SPTY2D1: variants seen among roughly 807,000 people sequenced by gnomAD.
SPTY2D1 encodes the protein protein SPT2 homolog.
In SPTY2D1, 21 loss-of-function variants were observed where a neutral mutation model predicts 64.0. The observed-to-expected ratio is 0.33, with a 90% CI of 0.23 to 0.47. The LOEUF (loss-of-function observed/expected upper bound fraction) is 0.47, where lower values mean the gene tolerates loss of function less well. SPTY2D1 is among the 20% of genes least tolerant of loss of function. SPTY2D1 has a pLI of 1.00. For missense variants in SPTY2D1, 724 were observed against 837.2 expected, an observed-to-expected ratio of 0.86 and a Z score of 1.67; for synonymous variants, 287 against 286.8, an observed-to-expected ratio of 1.00 and a Z score of -0.01.
chr11:18,628,019 G>A (rs1267075626), intron 1 of SPTY2D1, among the ~76,000 whole-genome samples: 1 of 152,174 alleles, frequency 6.6e-6, no homozygotes, highest in Non-Finnish European at 1.5e-5. Context: ...CTGGACTCCA[G>A]CCCAGGCGAC....
intron 1 of SPTY2D1, among the ~76,000 whole-genome samples, chr11:18,623,532 G>A (rs1352898060): frequency 1.3e-5 from 2 of 152,154 alleles, no homozygotes; most frequent in South Asian, 2.1e-4. Flanking sequence ...TACTGTGAAG[G>A]TATTTTGTAG....
rs1376828643 is a variant in SPTY2D1, at chr11:18,609,513, A to G, written c.*348T>C. On this transcript the variant is annotated 3_prime_UTR_variant, in exon 6 of 6. Coordinates refer to ENST00000336349, the MANE Select transcript of SPTY2D1 (RefSeq NM_194285.3). ...AGAAGAATTACAGAAATCAAGAGAC[A>G]ACCTTTTTTTTCCTTTCAAAGTAGC... 1 of 226,278 alleles carries G rather than the reference A, an allele frequency of 4.4e-6. No individual in the cohort carries two copies. Among genetic ancestry groups the G allele is most frequent in the African/African-American group, 2.3e-5 (1 of 43,516 alleles). The allele number at this position is 226,278 out of a possible 1,614,324, so 14.0% of individuals were successfully genotyped here.
Position 18,632,415 on chromosome 11 carries a change from G to C in SPTY2D1, c.60+1783C>G, listed in dbSNP as rs1039784486. On this transcript the variant is annotated intron_variant, in intron 1 of 5. Transcript: ENST00000336349. The stretch of plus-strand genomic sequence containing the variant: ...TGCCCAGGCTGGAGTGCAATCGCAC[G>C]ATCTCAGCTCACTGCAATCTCCGCC... Among the ~76,000 whole-genome samples the C allele has an allele frequency of 2.6e-5, 4 of 151,380 alleles. No homozygotes were observed. The South Asian group carries it at 8.3e-4, about 32-fold the overall frequency.
chr11:18,622,086 C>CAAAAAA lies in SPTY2D1; in HGVS notation c.61-5103_61-5098dup, dbSNP rs747593791. On this transcript the variant is annotated intron_variant, in intron 1 of 5. Transcript: ENST00000336349. ...TGAACAACAGAGTAAGACCCTATCTCAAAAAAAAAAAAAAAAAACCAAAAC... is the reference window on the plus strand; with the variant it reads ...TGAACAACAGAGTAAGACCCTATCTCAAAAAAAAAAAAAAAAAAAAAAAACCAAAAC... Among the ~76,000 whole-genome samples the CAAAAAA allele has an allele frequency of 2.8e-3, 33 of 11,832 alleles. 3 individuals carry two copies. The highest frequency in any genetic ancestry group is 0.015 in the South Asian group (2 of 134). 7.8% of individuals were successfully genotyped at this position (11,832 alleles called of 152,430 possible). A position where few individuals can be genotyped will look rare whatever the true frequency, so the allele number is the denominator to read the frequency against.
chr11:18,617,258 A>G (rs961190902), intron 1 of SPTY2D1, among the ~76,000 whole-genome samples: 4 of 152,182 alleles, frequency 2.6e-5, no homozygotes, highest in African/African-American at 4.8e-5. Flanking sequence ...TTTTCAGGCT[A>G]TTTTCCAAAA....
intron 1 of SPTY2D1, among the ~76,000 whole-genome samples, chr11:18,628,962 A>T (rs1250725036): frequency 1.3e-5 from 2 of 152,082 alleles, no homozygotes; most frequent in Non-Finnish European, 2.9e-5. Flanking sequence ...AGACATCTGA[A>T]TTTGCTGTCC....
chr11:18,625,332 A>C (rs1762655350), intron 1 of SPTY2D1, among the ~76,000 whole-genome samples: 1 of 152,212 alleles, frequency 6.6e-6, no homozygotes, highest in Non-Finnish European at 1.5e-5. Context: ...CTATGGAGTT[A>C]AATGTAAATT....
At position 18,612,755 on chromosome 11, in the gene SPTY2D1, A is replaced by C. The variant is rs563676246; in HGVS notation, c.1712-267T>G. Among the ~76,000 whole-genome samples, 19 of 151,918 alleles carry C rather than the reference A, an allele frequency of 1.3e-4. No homozygotes were observed. Among genetic ancestry groups the C allele is most frequent in the African/African-American group, 4.1e-4 (17 of 41,422 alleles). The stretch of plus-strand genomic sequence containing the variant: ...TATTTCTGAATTTATAAGATCAGTA[A>C]AATTTCTTTCTTTCTTTTTTTTTTT... On this transcript the variant is annotated intron_variant, in intron 3 of 5. Coordinates refer to ENST00000336349, the MANE Select transcript of SPTY2D1 (RefSeq NM_194285.3). The surrounding 1 kb of genome is among the most constrained non-coding windows in gnomAD (Gnocchi z 4.6).
rs117662446 is a variant in SPTY2D1, at chr11:18,631,165, T to C, written c.60+3033A>G. 6.6e-3 allele frequency among the ~76,000 whole-genome samples: 999 copies of C among 152,324 alleles called. 5 individuals carry two copies. The highest frequency in any genetic ancestry group is 0.011 in the Non-Finnish European group (737 of 68,032). Reference sequence around the variant, plus strand: ...GAAATAAAGCTGTTAATTGATACGATAGTCCCCAACTCTCTCTTTGTTTTT... The same window carrying C: ...GAAATAAAGCTGTTAATTGATACGACAGTCCCCAACTCTCTCTTTGTTTTT... On this transcript the variant is annotated intron_variant, in intron 1 of 5. Coordinates refer to ENST00000336349, the MANE Select transcript of SPTY2D1 (RefSeq NM_194285.3).
intron 1 of SPTY2D1, among the ~76,000 whole-genome samples, chr11:18,627,993 A>C (rs1157460920): frequency 6.6e-6 from 1 of 152,204 alleles, no homozygotes; most frequent in Non-Finnish European, 1.5e-5. Context: ...GGTTGCAGTG[A>C]GCTGAAGTGG....
intron 5 of SPTY2D1, 44 bp from the exon 6 acceptor site, chr11:18,609,998 T>C (rs1255954313): frequency 6.5e-7 from 1 of 1,531,904 alleles, no homozygotes; most frequent in Admixed American, 1.7e-5. Flanking sequence ...ATACATGAGA[T>C]GACCACTTTC....
chr11:18,616,951 G>C lies in SPTY2D1; in HGVS notation c.99C>G (p.Asp33Glu). The C allele has an allele frequency of 6.2e-7, 1 of 1,614,112 alleles. No homozygotes were observed. Among genetic ancestry groups the C allele is most frequent in the South Asian group, 1.1e-5 (1 of 91,084 alleles). Reference protein sequence around the residue: ...YSLAVGPPKKDPKVKGVQSAA... With the variant: ...YSLAVGPPKKEPKVKGVQSAA... Reference sequence around the variant, plus strand: ...CTGATTGGACACCTTTAACTTTTGGGTCTTTTTTTGGAGGCCCCACTGCCA... The same window carrying C: ...CTGATTGGACACCTTTAACTTTTGGCTCTTTTTTTGGAGGCCCCACTGCCA... Residue 33 changes from aspartate (D) to glutamate (E), a missense_variant, in exon 2 of 6, where the codon GAC becomes GAG. Transcript: ENST00000336349.
At chr11:18,610,060 C>T in intron 5 of SPTY2D1, 106 bp from the exon 6 acceptor site, 1 of 967,214 alleles carries the variant, frequency 1.0e-6, no homozygotes, top group Non-Finnish European at 1.6e-6. Flanking sequence ...TGTGCTGATG[C>T]TCTCAAAATG....
rs780271568 is a variant in SPTY2D1, at chr11:18,615,851, C to A, written c.423G>T (p.Gln141His). 2.5e-6 allele frequency: 4 copies of A among 1,614,056 alleles called. No homozygotes were observed. The highest frequency in any genetic ancestry group is 3.3e-4 in the Middle Eastern group (2 of 6,062). ...FLEYNHAESEQEYEEEQEPPK... is the reference protein window; with the variant it reads ...FLEYNHAESEHEYEEEQEPPK... Reference sequence around the variant, plus strand: ...GAGGTTCTTGCTCTTCCTCATACTCCTGCTCTGACTCTGCGTGATTGTACT... The same window carrying A: ...GAGGTTCTTGCTCTTCCTCATACTCATGCTCTGACTCTGCGTGATTGTACT... The change falls in exon 3 of 6, where the codon CAG becomes CAT. Residue 141 changes from glutamine (Q) to histidine (H), a missense_variant. This residue lies in a region of SPTY2D1 where 179 missense variants were observed against 232.5 expected (regional missense o/e 0.77). Transcript: ENST00000336349.
chr11:18,617,168 A>G (rs1320816012), intron 1 of SPTY2D1, among the ~76,000 whole-genome samples, 179 bp from the exon 2 acceptor site: 1 of 152,214 alleles, frequency 6.6e-6, no homozygotes, highest in East Asian at 1.9e-4. Context: ...ACTATTTATT[A>G]CGTATGGTGA....
chr11:18,628,747 C>CA (rs776629390), intron 1 of SPTY2D1, among the ~76,000 whole-genome samples: 3 of 152,166 alleles, frequency 2.0e-5, no homozygotes, highest in Non-Finnish European at 2.9e-5. Context: ...GGGTGGGGAG[C>CA]AATCCAGTTA....
chr11:18,622,257 T>C (rs1316557012), intron 1 of SPTY2D1, among the ~76,000 whole-genome samples: 1 of 151,962 alleles, frequency 6.6e-6, no homozygotes, highest in Non-Finnish European at 1.5e-5. Context: ...TGGCCAGGTA[T>C]GGTGGCTCAT....
intron 1 of SPTY2D1, among the ~76,000 whole-genome samples, chr11:18,622,086 C>CAAAAAAA (rs747593791): frequency 8.5e-5 from 1 of 11,828 alleles, no homozygotes; most frequent in Non-Finnish European, 1.6e-4. Flanking sequence ...GACCCTATCT[C>CAAAAAAA]AAAAAAAAAA....
Position 18,615,790 on chromosome 11 carries a change from T to C in SPTY2D1, c.484A>G (p.Ser162Gly). Residue 162 changes from serine to glycine, a missense_variant, in exon 3 of 6, where the codon AGT (serine) becomes GGT (glycine). Physicochemically the swap from Ser to Gly is moderately conservative, Grantham distance 56. Around this residue, in one of 3 missense-constraint regions of SPTY2D1, gnomAD observed 179 missense variants for 232.5 expected, o/e 0.77. Coordinates refer to ENST00000336349, the MANE Select transcript of SPTY2D1 (RefSeq NM_194285.3). Reference sequence around the variant, plus strand: ...GTGAAGTTCATGGGTGGTGGGGCACTTTTAAGGGGGACCTTTGGTTTGCTT... The same window carrying C: ...GTGAAGTTCATGGGTGGTGGGGCACCTTTAAGGGGGACCTTTGGTTTGCTT... ...VESKPKVPLKSAPPPMNFTDL... is the reference protein window; with the variant it reads ...VESKPKVPLKGAPPPMNFTDL... The C allele has an allele frequency of 6.2e-7, 1 of 1,614,134 alleles. No homozygotes were observed.
Sources: gnomAD v4.1 joint callset for allele counts (sites outside exome capture counted in the v4.1 genomes callset) on GRCh38, gnomAD v4.1.1 for gene constraint, gnomAD v4.1.1 regional missense constraint, Gnocchi (gnomAD v3.1) non-coding constraint, MANE v1.5 for transcripts, NCBI Gene and HGNC (gene_info 2026-07-23, HGNC 2026-07-21) for gene names.